The following PITPNM2 variants were observed in gnomAD, a reference collection of about 807,000 sequenced individuals.
PITPNM2 encodes phosphatidylinositol transfer protein membrane associated 2.
A neutral mutation model predicts 132.2 loss-of-function variants in PITPNM2; 35 were observed. That is an observed-to-expected ratio of 0.26 (90% CI 0.20 to 0.35). The LOEUF is 0.35. PITPNM2 is among the 10% of genes least tolerant of loss of function. The pLI is 1.00. For missense variants in PITPNM2, 1,332 were observed against 1,912.0 expected (o/e 0.70, Z 5.66); for synonymous variants, 738 against 799.2 (o/e 0.92, Z 1.29).
At chr12:123,035,106 T>C (rs1444130864) in intron 2 of PITPNM2, among the ~76,000 whole-genome samples, 1 of 152,172 alleles carries the variant, frequency 6.6e-6, no homozygotes. Context: ...AGCACAGACA[T>C]GAGACATTCA....
At chr12:123,110,078 C>A (rs555489232) in intron 2 of PITPNM2, among the ~76,000 whole-genome samples, 1 of 152,284 alleles carries the variant, frequency 6.6e-6, no homozygotes, top group Non-Finnish European at 1.5e-5. Context: ...CTACATCAGC[C>A]TCCCCAGTAG....
chr12:123,019,863 A>AG (rs992217256), intron 3 of PITPNM2, among the ~76,000 whole-genome samples: 1 of 152,122 alleles, frequency 6.6e-6, no homozygotes, highest in African/African-American at 2.4e-5. Flanking sequence ...ACTCAGCCTC[A>AG]GGGGGGTCAG....
rs762896348 is a variant in PITPNM2 at position 123,119,355 on chromosome 12, A to ACTTT, written c.-199-8868_-199-8867insAAAG. On this transcript the variant is annotated intron_variant, in intron 1 of 25. Coordinates refer to ENST00000320201, the MANE Select transcript of PITPNM2 (RefSeq NM_020845.3). Reference sequence around the variant, plus strand: ...CTATCTAGAAGCATAGAGGATGGTGATTTTTTTTTTTTTTTTTTTTGAGAC... The same window carrying ACTTT: ...CTATCTAGAAGCATAGAGGATGGTGACTTTTTTTTTTTTTTTTTTTTTTTGAGAC... Among the ~76,000 whole-genome samples the ACTTT allele has an allele frequency of 6.8e-4, 88 of 129,306 alleles. 9 individuals are homozygous for ACTTT. Among genetic ancestry groups the ACTTT allele is most frequent in the African/African-American group, 2.3e-3 (81 of 35,472 alleles). The allele number at this position is 129,306 out of a possible 152,430, so 84.8% of individuals were successfully genotyped here. A position where few individuals can be genotyped will look rare whatever the true frequency, so the allele number is the denominator to read the frequency against.
chr12:122,987,765 C>A lies in PITPNM2; in HGVS notation c.3114+20G>T. 1 of 1,613,718 alleles carries A rather than the reference C, an allele frequency of 6.2e-7. No individual in the cohort carries two copies. Among genetic ancestry groups the A allele is most frequent in the East Asian group, 2.2e-5 (1 of 44,884 alleles). ...CTCCCCAAAGTCCCTCCATGTTACC[C>A]CTACCCGCCGTGTCCTTACCTTCTC... On this transcript the variant is annotated intron_variant, in intron 21 of 25. Coordinates refer to ENST00000320201, the MANE Select transcript of PITPNM2 (RefSeq NM_020845.3).
chr12:123,094,501 A>G (rs1260305860), intron 2 of PITPNM2, among the ~76,000 whole-genome samples: 3 of 152,218 alleles, frequency 2.0e-5, no homozygotes, highest in Non-Finnish European at 4.4e-5. Flanking sequence ...GGAAGTCTCC[A>G]TCATCTGCTC....
Position 122,987,882 on chromosome 12 carries a change from C to T in PITPNM2, c.3017G>A (p.Arg1006Gln), listed in dbSNP as rs1483356835. 7 of 1,612,438 alleles carry T rather than the reference C, an allele frequency of 4.3e-6. No homozygotes were observed. Among genetic ancestry groups the T allele is most frequent in the Non-Finnish European group, 5.1e-6 (6 of 1,179,242 alleles). ...VKLRNVTANH[R>Q]INDALANEDG... ...CTCATTGGCAAGGGCATCATTGATC[C>T]GGTGGTTGGCCGTCACGTTCTGTGG... The change falls in exon 21 of 26, where the codon CGG becomes CAG. Residue 1006 changes from arginine (R) to glutamine (Q), a missense_variant. Arg to Gln is a conservative substitution (Grantham distance 43). Around this residue, in one of 6 missense-constraint regions of PITPNM2, gnomAD observed 251 missense variants for 472.0 expected, o/e 0.53. Transcript: ENST00000320201.
chr12:123,009,961 C>T lies in PITPNM2; in HGVS notation c.532G>A (p.Glu178Lys), dbSNP rs750493149. ...QRGPLSENWI[E>K]EYKKQVFPIM... ...GGGAAGACCTGCTTCTTGTACTCCT[C>T]GATCCAGTTCTCGGACAGGGGCCCC... The change falls in exon 6 of 26, where the codon GAG (glutamate) becomes AAG (lysine). Residue 178 changes from glutamate (E) to lysine (K), a missense_variant. Coordinates refer to ENST00000320201, the MANE Select transcript of PITPNM2 (RefSeq NM_020845.3). This position sits in a 1 kb window ranked among gnomAD's most constrained non-coding sequence, Gnocchi z 4.8. 1.2e-5 allele frequency: 20 copies of T among 1,614,096 alleles called. No individual in the cohort carries two copies. The highest frequency in any genetic ancestry group is 2.2e-5 in the South Asian group (2 of 91,088).
chr12:123,024,830 T>C (rs770686548), intron 3 of PITPNM2, among the ~76,000 whole-genome samples: 8 of 152,150 alleles, frequency 5.3e-5, no homozygotes. Context: ...CTGGTGACGG[T>C]TGTACAACTC....
At chr12:123,021,438 C>T (rs1027837866) in intron 3 of PITPNM2, among the ~76,000 whole-genome samples, 2 of 152,214 alleles carry the variant, frequency 1.3e-5, no homozygotes, top group South Asian at 2.1e-4. Flanking sequence ...CTCAAGCAAT[C>T]CTTCTGCCTC....
At chr12:123,038,258 C>T (rs1032151203) in intron 2 of PITPNM2, among the ~76,000 whole-genome samples, 7 of 152,200 alleles carry the variant, frequency 4.6e-5, no homozygotes, top group African/African-American at 1.4e-4. Context: ...ACAAATAAAT[C>T]GTTCTATATC....
chr12:123,074,166 G>A (rs1053696641), intron 2 of PITPNM2, among the ~76,000 whole-genome samples: 6 of 152,182 alleles, frequency 3.9e-5, no homozygotes, highest in African/African-American at 9.7e-5. Flanking sequence ...TCCGAGACTC[G>A]GTCTACTTAT....
chr12:123,044,279 C>A lies in PITPNM2; in HGVS notation c.-95-9594G>T, dbSNP rs201171457. On this transcript the variant is annotated intron_variant, in intron 2 of 25. Coordinates refer to ENST00000320201, the MANE Select transcript of PITPNM2 (RefSeq NM_020845.3). ...CACCATTTCAGCAGCAGCACCCAGACCATCCTCCTACATAAGAAGTGCCAG... is the reference window on the plus strand; with the variant it reads ...CACCATTTCAGCAGCAGCACCCAGAACATCCTCCTACATAAGAAGTGCCAG... 1.5e-4 allele frequency among the ~76,000 whole-genome samples: 23 copies of A among 152,316 alleles called. No individual in the cohort carries two copies. The East Asian group carries it at 4.1e-3, about 27-fold the overall frequency.
chr12:123,134,095 T>C (rs1214117682), intron 1 of PITPNM2, among the ~76,000 whole-genome samples: 1 of 152,126 alleles, frequency 6.6e-6, no homozygotes, highest in Non-Finnish European at 1.5e-5. Context: ...AGATCGAGTC[T>C]CGCTCTGTTG....
rs1399792272 is a variant in PITPNM2, at chr12:122,994,181, A to AT, written c.2233+619dup. Among the ~76,000 whole-genome samples the AT allele has an allele frequency of 6.6e-6, 1 of 152,156 alleles. No homozygotes were observed. Among genetic ancestry groups the AT allele is most frequent in the Admixed American group, 6.5e-5 (1 of 15,274 alleles). On this transcript the variant is annotated intron_variant, in intron 15 of 25. Transcript: ENST00000320201. The surrounding 1 kb of genome is among the most constrained non-coding windows in gnomAD (Gnocchi z 5.4). ...AGCCACCGCGCCCGGCCAGCTCTGCATTTTTAACCTGCACTTGGCAAGCAT... is the reference window on the plus strand; with the variant it reads ...AGCCACCGCGCCCGGCCAGCTCTGCATTTTTTAACCTGCACTTGGCAAGCAT...
At chr12:123,094,289 T>C (rs908578206) in intron 2 of PITPNM2, among the ~76,000 whole-genome samples, 60 of 152,302 alleles carry the variant, frequency 3.9e-4, no homozygotes, top group Non-Finnish European at 7.5e-4. Flanking sequence ...ACTCAAGTGG[T>C]GCAGGGGATC....
intron 2 of PITPNM2, among the ~76,000 whole-genome samples, chr12:123,052,784 G>GTTA (rs2040905313): frequency 7.1e-6 from 1 of 140,816 alleles, no homozygotes; most frequent in African/African-American, 2.6e-5. Context: ...TTTTATTTAA[G>GTTA]TTTTTTTTTT....
intron 10 of PITPNM2, among the ~76,000 whole-genome samples, chr12:122,999,686 C>T (rs531865536): frequency 2.8e-4 from 42 of 152,274 alleles, no homozygotes; most frequent in African/African-American, 7.2e-4. Flanking sequence ...ACCTGGCCTG[C>T]CCTGGGCTCT....
chr12:122,986,509 C>T lies in PITPNM2; in HGVS notation c.3653G>A (p.Ser1218Asn), dbSNP rs1467814064. 1 of 1,594,558 alleles carries T rather than the reference C, an allele frequency of 6.3e-7. No homozygotes were observed. Among genetic ancestry groups the T allele is most frequent in the Admixed American group, 1.7e-5 (1 of 57,418 alleles). Residue 1218 changes from serine (S) to asparagine (N), a missense_variant, in exon 25 of 26, where the codon AGC becomes AAC. Physicochemically the swap from Ser to Asn is conservative, Grantham distance 46. Coordinates refer to ENST00000320201, the MANE Select transcript of PITPNM2 (RefSeq NM_020845.3). ...YGSTKDVAVYSAISLSPMQIY... is the reference protein window; with the variant it reads ...YGSTKDVAVYNAISLSPMQIY... ...CTGCATGGGGGACAGGCTAATGGCG[C>T]TGTACACCGCCACGTCCTTGGTGGA...
rs34169662 is a variant in PITPNM2, at chr12:123,099,235, G to GA, written c.-96+11149dup. Reference sequence around the variant, plus strand: ...CTCACCCAGAACTGTCGATTTTGCTGAAAAAAAAAATATATATCTTTTTTT... The same window carrying GA: ...CTCACCCAGAACTGTCGATTTTGCTGAAAAAAAAAAATATATATCTTTTTTT... On this transcript the variant is annotated intron_variant, in intron 2 of 25. Transcript: ENST00000320201. This position sits in a 1 kb window ranked among gnomAD's most constrained non-coding sequence, Gnocchi z 4.2. Among the ~76,000 whole-genome samples the GA allele has an allele frequency of 4.3e-3, 644 of 148,936 alleles. 2 individuals are homozygous for GA. Among genetic ancestry groups the GA allele is most frequent in the African/African-American group, 0.013 (530 of 40,664 alleles).
Sources: gnomAD v4.1 joint callset for allele counts (sites outside exome capture counted in the v4.1 genomes callset) on GRCh38, gnomAD v4.1.1 for gene constraint, gnomAD v4.1.1 regional missense constraint, Gnocchi (gnomAD v3.1) non-coding constraint, MANE v1.5 for transcripts, NCBI Gene and HGNC (gene_info 2026-07-23, HGNC 2026-07-21) for gene names.